SCHIP1: variants seen among roughly 807,000 people sequenced by gnomAD.
The protein encoded by SCHIP1 is schwannomin-interacting protein 1.
A neutral mutation model predicts 29.7 loss-of-function variants in SCHIP1; 8 were observed. That is an observed-to-expected ratio of 0.27 (90% confidence interval 0.16 to 0.49). SCHIP1 has a LOEUF of 0.49. SCHIP1 is among the 20% of genes least tolerant of loss of function. The pLI, the probability that SCHIP1 is intolerant of heterozygous loss-of-function variation, is 0.99. For synonymous variants in SCHIP1, 76 were observed against 94.9 expected, an observed-to-expected ratio of 0.80 and a Z score of 1.16; for missense variants, 193 against 294.6, an observed-to-expected ratio of 0.66 and a Z score of 2.52.
At chr3:159,883,251 G>A (rs970956382) in intron 2 of SCHIP1, among the ~76,000 whole-genome samples, 16 of 152,118 alleles carry the variant, frequency 1.1e-4, no homozygotes, top group Admixed American at 6.5e-4. Context: ...GATGAGGATC[G>A]TGTTCTGTTT....
At chr3:159,638,154 T>C in the SCHIP1 span, among the ~76,000 whole-genome samples, 1 of 152,034 alleles carries the variant, frequency 6.6e-6, no homozygotes, top group South Asian at 2.1e-4. Context: ...AGATACAGAC[T>C]GTCCTTGCCT....
At chr3:159,809,962 C>T in the SCHIP1 span, among the ~76,000 whole-genome samples, 1 of 152,228 alleles carries the variant, frequency 6.6e-6, no homozygotes, top group South Asian at 2.1e-4. Context: ...CCACTGAGTT[C>T]CAGCCTGGGT....
the SCHIP1 span, among the ~76,000 whole-genome samples, chr3:159,791,075 T>A: frequency 6.6e-6 from 1 of 152,036 alleles, no homozygotes; most frequent in Non-Finnish European, 1.5e-5. Context: ...TGAAACACAA[T>A]TGAATAGATA....
At chr3:159,632,465 C>T in the SCHIP1 span, among the ~76,000 whole-genome samples, 1 of 152,262 alleles carries the variant, frequency 6.6e-6, no homozygotes, top group African/African-American at 2.4e-5. Context: ...AGGCCTTTGG[C>T]TGTGTAGGAC....
intron 1 of SCHIP1, among the ~76,000 whole-genome samples, chr3:159,855,754 C>CT (rs1172471445): frequency 6.6e-6 from 1 of 151,930 alleles, no homozygotes; most frequent in Non-Finnish European, 1.5e-5. Flanking sequence ...GCTTAGGTAC[C>CT]ATAGAATTCC....
At chr3:159,333,679 C>A in the SCHIP1 span, among the ~76,000 whole-genome samples, 1 of 152,170 alleles carries the variant, frequency 6.6e-6, no homozygotes, top group Non-Finnish European at 1.5e-5. Context: ...ATACTTGTTT[C>A]AGAGGTATTT....
the SCHIP1 span, among the ~76,000 whole-genome samples, chr3:159,465,133 A>G: frequency 6.6e-6 from 1 of 152,032 alleles, no homozygotes; most frequent in African/African-American, 2.4e-5. Flanking sequence ...AGAAGTGCAA[A>G]TTTTTGCTCA....
At chr3:159,533,217 G>C in the SCHIP1 span, among the ~76,000 whole-genome samples, 1 of 152,200 alleles carries the variant, frequency 6.6e-6, no homozygotes. Flanking sequence ...GTTGAGACTT[G>C]GGGTGACAGT....
chr3:159,278,526 G>T, the SCHIP1 span, among the ~76,000 whole-genome samples: 1 of 152,240 alleles, frequency 6.6e-6, no homozygotes, highest in Middle Eastern at 3.4e-3. Flanking sequence ...TTCTATTTAG[G>T]ACTGTCAAAT....
At chr3:159,461,567 C>A in the SCHIP1 span, among the ~76,000 whole-genome samples, 8 of 151,630 alleles carry the variant, frequency 5.3e-5, no homozygotes, top group Admixed American at 2.0e-4. Context: ...AGTATATATA[C>A]CAGACTCTTT....
chr3:159,778,868 AG>A, the SCHIP1 span, among the ~76,000 whole-genome samples: 3 of 152,160 alleles, frequency 2.0e-5, no homozygotes, highest in African/African-American at 7.2e-5. Context: ...CGGCCTGTGG[AG>A]GGTGAATCTC....
At chr3:159,730,028 C>T in the SCHIP1 span, among the ~76,000 whole-genome samples, 1 of 152,234 alleles carries the variant, frequency 6.6e-6, no homozygotes, top group Admixed American at 6.5e-5. Flanking sequence ...TATATCTATC[C>T]ATATGAAATA....
At chr3:159,779,421 A>G in the SCHIP1 span, among the ~76,000 whole-genome samples, 1 of 151,510 alleles carries the variant, frequency 6.6e-6, no homozygotes, top group South Asian at 2.1e-4. Context: ...TAATCCCAGC[A>G]CTTTGGGAGG....
chr3:159,518,647 T>C, the SCHIP1 span, among the ~76,000 whole-genome samples: 1 of 152,122 alleles, frequency 6.6e-6, no homozygotes, highest in South Asian at 2.1e-4. Flanking sequence ...AAACATAAAA[T>C]ACTGAATGGC....
the SCHIP1 span, among the ~76,000 whole-genome samples, chr3:159,825,925 A>C: frequency 6.6e-6 from 1 of 152,182 alleles, no homozygotes; most frequent in Non-Finnish European, 1.5e-5. Flanking sequence ...GCCCTGAGAC[A>C]GTTGCAGGCA....
the SCHIP1 span, among the ~76,000 whole-genome samples, chr3:159,466,202 G>T: frequency 6.6e-6 from 1 of 152,126 alleles, no homozygotes; most frequent in Non-Finnish European, 1.5e-5. Flanking sequence ...GAATTGTGTA[G>T]TTGTTAAAAA....
At chr3:159,885,266 C>A (rs1006883883) in intron 2 of SCHIP1, among the ~76,000 whole-genome samples, 1 of 152,160 alleles carries the variant, frequency 6.6e-6, no homozygotes, top group African/African-American at 2.4e-5. Context: ...TGCGTAGGAA[C>A]CTCCTTTTGC....
chr3:159,393,047 A>C, the SCHIP1 span, among the ~76,000 whole-genome samples: 1 of 152,082 alleles, frequency 6.6e-6, no homozygotes, highest in African/African-American at 2.4e-5. Context: ...TTTGGTTTGC[A>C]TTTCTCTGAT....
At chr3:159,391,558 G>A in the SCHIP1 span, among the ~76,000 whole-genome samples, 311 of 152,240 alleles carry the variant, frequency 2.0e-3, no homozygotes, top group African/African-American at 6.8e-3. Flanking sequence ...GCTACTCAAT[G>A]TACTTTTGTT....
Sources: allele counts gnomAD v4.1 joint callset (sites outside exome capture counted in the v4.1 genomes callset), GRCh38; gene constraint gnomAD v4.1.1; transcripts MANE v1.5; gene names NCBI Gene and HGNC (gene_info 2026-07-23, HGNC 2026-07-21).